Variants in TOX observed in about 807,000 individuals in gnomAD.
TOX encodes thymocyte selection-associated high mobility group box protein TOX.
TOX carries 11 observed loss-of-function variants against 53.7 expected under a neutral mutation model. The ratio of observed to expected loss-of-function variants is 0.20; its 90% CI spans 0.13 to 0.34. The LOEUF (loss-of-function observed/expected upper bound fraction) is 0.34, where lower values mean the gene tolerates loss of function less well. Among genes scored for constraint, TOX ranks in the 10% least tolerant of loss-of-function variants. The pLI is 1.00. For synonymous variants in TOX, 225 were observed against 245.3 expected, an observed-to-expected ratio of 0.92 and a Z score of 0.77; for missense variants, 570 against 664.6, an observed-to-expected ratio of 0.86 and a Z score of 1.56.
chr8:58,925,217 T>C (rs1470690042), intron 3 of TOX, among the ~76,000 whole-genome samples: 2 of 152,256 alleles, frequency 1.3e-5, no homozygotes, highest in Non-Finnish European at 2.9e-5. Flanking sequence ...GGCCAAAATG[T>C]TAACTGAATG....
intron 3 of TOX, among the ~76,000 whole-genome samples, chr8:58,914,995 G>C (rs865986265): frequency 3.3e-5 from 5 of 151,024 alleles, no homozygotes; most frequent in Non-Finnish European, 7.4e-5. Flanking sequence ...TTTTCAGACC[G>C]GCTTAAAAAA....
intron 1 of TOX, among the ~76,000 whole-genome samples, chr8:59,019,079 T>A (rs1814071511): frequency 6.6e-6 from 1 of 152,142 alleles, no homozygotes; most frequent in Admixed American, 6.6e-5. Flanking sequence ...TTTTATAAAA[T>A]TTTTTTCATA....
At chr8:58,891,277 T>C (rs7829715) in intron 3 of TOX, among the ~76,000 whole-genome samples, 85,183 of 151,744 alleles carry the variant, frequency 0.56, 24,736 homozygotes, top group African/African-American at 0.71. Flanking sequence ...CAGAGACATA[T>C]TAGAAGGTCA....
At chr8:58,956,769 C>T (rs1369724937) in intron 2 of TOX, among the ~76,000 whole-genome samples, 1 of 152,130 alleles carries the variant, frequency 6.6e-6, no homozygotes, top group South Asian at 2.1e-4. Context: ...GCACACACCA[C>T]CATGCCTGGC....
chr8:59,090,395 C>T (rs1219858229), intron 1 of TOX, among the ~76,000 whole-genome samples: 1 of 152,124 alleles, frequency 6.6e-6, no homozygotes, highest in Non-Finnish European at 1.5e-5. Context: ...AGGATATGAC[C>T]AAGCATCTAA....
At chr8:59,004,348 A>C (rs1813748446) in intron 1 of TOX, among the ~76,000 whole-genome samples, 1 of 152,222 alleles carries the variant, frequency 6.6e-6, no homozygotes, top group Admixed American at 6.5e-5. Context: ...AGTCAGTAGC[A>C]ATTTTCTATA....
chr8:58,972,148 G>C (rs1813013726), intron 1 of TOX, among the ~76,000 whole-genome samples: 1 of 152,138 alleles, frequency 6.6e-6, no homozygotes, highest in Non-Finnish European at 1.5e-5. Context: ...GTGCATGTAA[G>C]CATACATAGA....
At chr8:58,982,196 G>A (rs1437081996) in intron 1 of TOX, among the ~76,000 whole-genome samples, 1 of 152,038 alleles carries the variant, frequency 6.6e-6, no homozygotes, top group Non-Finnish European at 1.5e-5. Context: ...AGAACTGACA[G>A]CCAGCCCTTC....
At chr8:59,087,883 G>A (rs1442948586) in intron 1 of TOX, among the ~76,000 whole-genome samples, 1 of 152,142 alleles carries the variant, frequency 6.6e-6, no homozygotes, top group Non-Finnish European at 1.5e-5. Flanking sequence ...AAGAAAAGGT[G>A]GAGTGCTCAC....
chr8:59,029,138 G>A (rs1291520635), intron 1 of TOX, among the ~76,000 whole-genome samples: 1 of 151,918 alleles, frequency 6.6e-6, no homozygotes, highest in East Asian at 1.9e-4. Context: ...TAATTCCTAA[G>A]GGCAAAAATG....
intron 3 of TOX, among the ~76,000 whole-genome samples, chr8:58,922,631 G>A (rs1450045996): frequency 6.6e-6 from 1 of 152,174 alleles, no homozygotes; most frequent in Non-Finnish European, 1.5e-5. Flanking sequence ...TCTTCTAGAT[G>A]TGTGGAACAC....
chr8:59,083,967 A>G (rs1054668223), intron 1 of TOX, among the ~76,000 whole-genome samples: 3 of 152,144 alleles, frequency 2.0e-5, no homozygotes, highest in African/African-American at 7.2e-5. Context: ...TTGCTCTATG[A>G]GTGTTAATTT....
At chr8:58,944,165 G>C (rs1399978203) in intron 2 of TOX, among the ~76,000 whole-genome samples, 1 of 152,202 alleles carries the variant, frequency 6.6e-6, no homozygotes, top group Non-Finnish European at 1.5e-5. Context: ...CAGGACTCTT[G>C]TGTTCCAGCG....
At chr8:59,076,387 G>A (rs1467658185) in intron 1 of TOX, among the ~76,000 whole-genome samples, 1 of 152,222 alleles carries the variant, frequency 6.6e-6, no homozygotes, top group Non-Finnish European at 1.5e-5. Flanking sequence ...TGTCTGAATG[G>A]TGGATGCTTC....
chr8:58,957,151 A>G (rs977244029), intron 2 of TOX, among the ~76,000 whole-genome samples: 1 of 152,214 alleles, frequency 6.6e-6, no homozygotes, highest in Non-Finnish European at 1.5e-5. Context: ...GGAGGCATTA[A>G]GCAACAAGGT....
intron 1 of TOX, among the ~76,000 whole-genome samples, chr8:59,086,191 T>C (rs1804506488): frequency 6.6e-6 from 1 of 151,888 alleles, no homozygotes; most frequent in Non-Finnish European, 1.5e-5. Flanking sequence ...CACCATATTG[T>C]TGAGGCTGGT....
intron 1 of TOX, among the ~76,000 whole-genome samples, chr8:59,080,707 T>A (rs974240917): frequency 5.3e-5 from 8 of 152,022 alleles, no homozygotes; most frequent in African/African-American, 1.7e-4. Context: ...CAAGATCCGG[T>A]CATTTAAGTC....
chr8:58,887,367 T>C (rs1193656776), intron 3 of TOX, among the ~76,000 whole-genome samples: 1 of 151,928 alleles, frequency 6.6e-6, no homozygotes, highest in Non-Finnish European at 1.5e-5. Flanking sequence ...TTTGAAAAAG[T>C]TTTTGAGAGT....
chr8:59,101,120 C>T (rs918927214), intron 1 of TOX, among the ~76,000 whole-genome samples: 1 of 152,118 alleles, frequency 6.6e-6, no homozygotes, highest in South Asian at 2.1e-4. Context: ...GGTAAATGCA[C>T]AAGTGAATGC....
Sources: allele counts gnomAD v4.1 joint callset (sites outside exome capture counted in the v4.1 genomes callset), GRCh38; gene constraint gnomAD v4.1.1; transcripts MANE v1.5; gene names NCBI Gene and HGNC (gene_info 2026-07-23, HGNC 2026-07-21).